ZBTB20: variants seen among roughly 807,000 people sequenced by gnomAD.
ZBTB20 encodes zinc finger and BTB domain-containing protein 20.
Under a neutral mutation model 56.9 loss-of-function variants are expected in ZBTB20, and 9 were observed. The ratio of observed to expected loss-of-function variants is 0.16; its 90% CI spans 0.10 to 0.28. ZBTB20 has a LOEUF of 0.28. Ranked by LOEUF, ZBTB20 falls within the 10% of genes least tolerant of loss-of-function variation. The pLI, the probability that ZBTB20 is intolerant of heterozygous loss-of-function variation, is 1.00. For missense variants in ZBTB20, 655 were observed against 1,003.0 expected (o/e 0.65, Z 4.69); for synonymous variants, 417 against 420.7 (o/e 0.99, Z 0.11).
chr3:114,495,690 A>G (rs557445088), intron 7 of ZBTB20, among the ~76,000 whole-genome samples: 1 of 152,298 alleles, frequency 6.6e-6, no homozygotes, highest in African/African-American at 2.4e-5. Context: ...TGAATGAGTC[A>G]AAAGATTGAA....
rs573425288 is a variant in ZBTB20 at position 114,595,712 on chromosome 3, C to G, written c.-294-95321G>C. On this transcript the variant is annotated intron_variant, in intron 6 of 11. Coordinates refer to ENST00000675478, the MANE Select transcript of ZBTB20 (RefSeq NM_001348800.3). The stretch of plus-strand genomic sequence containing the variant: ...TTGCATGCTTATCCTAGGTTGGACA[C>G]AGATCTCTAAGATAAGACTGGTATT... Among the ~76,000 whole-genome samples, 7 of 152,314 alleles carry G rather than the reference C, an allele frequency of 4.6e-5. No homozygotes were observed. The East Asian group carries it at 1.3e-3, about 29-fold the overall frequency.
intron 7 of ZBTB20, among the ~76,000 whole-genome samples, chr3:114,484,679 A>C (rs548316383): frequency 6.6e-6 from 1 of 152,368 alleles, no homozygotes; most frequent in South Asian, 2.1e-4. Context: ...ATGTGCACCC[A>C]GCAAATGTTG....
intron 6 of ZBTB20, among the ~76,000 whole-genome samples, chr3:114,612,980 A>G (rs1041190120): frequency 1.3e-5 from 2 of 152,252 alleles, no homozygotes; most frequent in African/African-American, 4.8e-5. Context: ...ATAACATAAT[A>G]TGAAGATCAG....
At chr3:114,508,157 A>G (rs1010175742) in intron 6 of ZBTB20, among the ~76,000 whole-genome samples, 1 of 152,176 alleles carries the variant, frequency 6.6e-6, no homozygotes, top group Non-Finnish European at 1.5e-5. Flanking sequence ...TTCCTGGACC[A>G]TCTTCAAAGA....
intron 6 of ZBTB20, among the ~76,000 whole-genome samples, chr3:114,663,523 A>G (rs978869202): frequency 3.3e-5 from 5 of 151,474 alleles, no homozygotes; most frequent in African/African-American, 1.2e-4. Flanking sequence ...GACAGGATCA[A>G]ATCCACACAT....
intron 6 of ZBTB20, among the ~76,000 whole-genome samples, chr3:114,596,081 T>C (rs560129320): frequency 2.0e-5 from 3 of 152,218 alleles, no homozygotes; most frequent in Non-Finnish European, 4.4e-5. Flanking sequence ...ATATTTTTTC[T>C]TTGTGTAGCC....
In ZBTB20 at chr3:114,995,723, C is replaced by T. The variant is rs558810369; in HGVS notation, c.-506-21307G>A. Reference sequence around the variant, plus strand: ...ATAACATGTATTCATTTAGTGCTATCCCAAACCCCACAAATCTCTGGTCTA... The same window carrying T: ...ATAACATGTATTCATTTAGTGCTATTCCAAACCCCACAAATCTCTGGTCTA... On this transcript the variant is annotated intron_variant, in intron 2 of 11. Transcript: ENST00000675478. 7.2e-5 allele frequency among the ~76,000 whole-genome samples: 11 copies of T among 151,854 alleles called. No homozygotes were observed. In the South Asian group the frequency reaches 1.0e-3, roughly 14 times the overall value.
At chr3:114,701,807 G>T (rs1307027268) in intron 5 of ZBTB20, among the ~76,000 whole-genome samples, 2 of 152,122 alleles carry the variant, frequency 1.3e-5, no homozygotes, top group Non-Finnish European at 2.9e-5. Context: ...CCAAGTAGGA[G>T]GTAGAAAGGG....
chr3:115,038,017 T>C (rs571508350), intron 2 of ZBTB20, among the ~76,000 whole-genome samples: 13 of 152,366 alleles, frequency 8.5e-5, no homozygotes, highest in African/African-American at 2.9e-4. Context: ...AAAACTTAGC[T>C]ATTCAAACAA....
intron 5 of ZBTB20, among the ~76,000 whole-genome samples, chr3:114,786,952 C>T (rs1038677953): frequency 6.6e-6 from 1 of 151,826 alleles, no homozygotes; most frequent in African/African-American, 2.4e-5. Flanking sequence ...AGAAACAAAT[C>T]GTGAAACATG....
At chr3:114,823,025 A>G (rs2073339178) in intron 4 of ZBTB20, among the ~76,000 whole-genome samples, 2 of 152,126 alleles carry the variant, frequency 1.3e-5, no homozygotes, top group African/African-American at 2.4e-5. Context: ...AATATCTCCA[A>G]ATTTTATAGC....
chr3:114,522,182 G>T (rs938418235), intron 6 of ZBTB20, among the ~76,000 whole-genome samples: 2 of 152,150 alleles, frequency 1.3e-5, no homozygotes, highest in Non-Finnish European at 2.9e-5. Flanking sequence ...AAATACAGTG[G>T]TTATGAAAGG....
chr3:114,794,870 C>T (rs995932112), intron 5 of ZBTB20, among the ~76,000 whole-genome samples: 21 of 151,970 alleles, frequency 1.4e-4, no homozygotes, highest in African/African-American at 4.8e-4. Context: ...GTTTTCTATG[C>T]CTCCAGGTGC....
intron 4 of ZBTB20, among the ~76,000 whole-genome samples, chr3:114,826,858 A>G (rs1038329224): frequency 2.6e-5 from 4 of 151,790 alleles, no homozygotes; most frequent in Non-Finnish European, 5.9e-5. Flanking sequence ...AAACCAAAAA[A>G]CTAATAAGAA....
At chr3:114,876,954 T>C (rs2076222297) in intron 4 of ZBTB20, among the ~76,000 whole-genome samples, 1 of 152,200 alleles carries the variant, frequency 6.6e-6, no homozygotes, top group Non-Finnish European at 1.5e-5. Flanking sequence ...CTTTAGTAGA[T>C]TAGCTGCTCC....
intron 6 of ZBTB20, among the ~76,000 whole-genome samples, chr3:114,557,029 T>G (rs1412174082): frequency 1.3e-5 from 2 of 152,044 alleles, no homozygotes; most frequent in African/African-American, 4.8e-5. Flanking sequence ...GGTATTATGT[T>G]ACCTGATTAT....
intron 6 of ZBTB20, among the ~76,000 whole-genome samples, chr3:114,563,985 G>A (rs2052411994): frequency 6.6e-6 from 1 of 152,156 alleles, no homozygotes; most frequent in African/African-American, 2.4e-5. Flanking sequence ...CATGGTATCA[G>A]CAGAGTTATG....
chr3:114,926,998 G>A (rs988207971), intron 3 of ZBTB20, among the ~76,000 whole-genome samples: 3 of 152,094 alleles, frequency 2.0e-5, no homozygotes, highest in African/African-American at 7.2e-5. Context: ...TCCCTGCTTG[G>A]CCTCCCAAAG....
chr3:114,990,566 C>CT (rs1404007571), intron 2 of ZBTB20, among the ~76,000 whole-genome samples: 4 of 152,036 alleles, frequency 2.6e-5, no homozygotes, highest in East Asian at 1.9e-4. Flanking sequence ...CTAAAATTCT[C>CT]TTTTTTTGTG....
Sources: gnomAD v4.1 joint callset for allele counts (sites outside exome capture counted in the v4.1 genomes callset) on GRCh38, gnomAD v4.1.1 for gene constraint, MANE v1.5 for transcripts, NCBI Gene and HGNC (gene_info 2026-07-23, HGNC 2026-07-21) for gene names.